KIAA1328: variants seen among roughly 807,000 people sequenced by gnomAD.
KIAA1328 encodes the protein protein hinderin.
KIAA1328 carries 52 observed loss-of-function variants against 68.1 expected under a neutral mutation model. The ratio of observed to expected loss-of-function variants is 0.76; its 90% CI spans 0.61 to 0.96. KIAA1328 has a LOEUF of 0.96. Among genes scored for constraint, KIAA1328 ranks in the 40% least tolerant of loss-of-function variants. The probability of loss-of-function intolerance (pLI) is 0.00; values close to 1 mark genes in which losing one functional copy is unlikely to be tolerated. For missense variants in KIAA1328, 641 were observed against 677.6 expected (o/e 0.95, Z 0.60); for synonymous variants, 232 against 239.4 (o/e 0.97, Z 0.28).
At chr18:36,941,401 C>T (rs1020023124) in intron 5 of KIAA1328, among the ~76,000 whole-genome samples, 22 of 151,982 alleles carry the variant, frequency 1.4e-4, no homozygotes, top group African/African-American at 5.3e-4. Flanking sequence ...TCGAGACTAG[C>T]GTGGCCAACG....
rs753971381 is a variant in KIAA1328, at chr18:37,067,176, A to C, written c.863A>C (p.Glu288Ala). 1 of 1,614,032 alleles carries C rather than the reference A, an allele frequency of 6.2e-7. No homozygotes were observed. Among genetic ancestry groups the C allele is most frequent in the Non-Finnish European group, 8.5e-7 (1 of 1,179,886 alleles). Residue 288 changes from glutamate to alanine, a missense_variant, in exon 7 of 10, where the codon GAA becomes GCA. Coordinates refer to ENST00000280020, the MANE Select transcript of KIAA1328 (RefSeq NM_020776.3). ...PAVPTEKMPQ[E>A]ELHMKECPHL... ...GTCCCAACAGAGAAAATGCCACAAG[A>C]AGAATTGCACATGAAGGAATGTCCA...
At chr18:37,191,794 C>T (rs765007904) in intron 9 of KIAA1328, among the ~76,000 whole-genome samples, 8 of 151,910 alleles carry the variant, frequency 5.3e-5, no homozygotes, top group Non-Finnish European at 1.2e-4. Context: ...CAATCCTGAC[C>T]ATCTATTTAA....
Position 37,224,505 on chromosome 18 carries a change from G to A in KIAA1328, c.*2278G>A. On this transcript the variant is annotated 3_prime_UTR_variant, in exon 10 of 10. Transcript: ENST00000280020. ...TAATGGACATTTTGTTGGTGTTGGT[G>A]CAAGGGCAATAGGATGTAAATTTGT... 1.0e-6 allele frequency: 1 copy of A among 985,190 alleles called. No individual in the cohort carries two copies. Among genetic ancestry groups the A allele is most frequent in the Non-Finnish European group, 1.2e-6 (1 of 829,748 alleles). 61.0% of individuals were successfully genotyped at this position (985,190 alleles called of 1,614,324 possible). A position where few individuals can be genotyped will look rare whatever the true frequency, so the allele number is the denominator to read the frequency against.
chr18:37,097,914 C>T (rs2057463026), intron 7 of KIAA1328, among the ~76,000 whole-genome samples: 1 of 152,128 alleles, frequency 6.6e-6, no homozygotes. Flanking sequence ...GATTTTTGCA[C>T]ATTGATTTTG....
intron 9 of KIAA1328, among the ~76,000 whole-genome samples, chr18:37,214,765 A>C (rs987628366): frequency 6.6e-6 from 1 of 152,054 alleles, no homozygotes; most frequent in African/African-American, 2.4e-5. Context: ...CACAATATTG[A>C]TTCTTCCTAT....
chr18:37,064,122 TA>T (rs1461973972), intron 6 of KIAA1328, among the ~76,000 whole-genome samples: 1 of 152,222 alleles, frequency 6.6e-6, no homozygotes, highest in African/African-American at 2.4e-5. Flanking sequence ...TGAAGTAGCT[TA>T]TTAGAAATTT....
intron 1 of KIAA1328, among the ~76,000 whole-genome samples, chr18:36,830,589 G>C (rs1392426269): frequency 6.6e-6 from 1 of 152,010 alleles, no homozygotes; most frequent in African/African-American, 2.4e-5. Flanking sequence ...TTGGGGGGGG[G>C]ACAAGCTATT....
At chr18:37,204,999 AC>A (rs1428356256) in intron 9 of KIAA1328, among the ~76,000 whole-genome samples, 1 of 152,040 alleles carries the variant, frequency 6.6e-6, no homozygotes, top group Non-Finnish European at 1.5e-5. Context: ...AACCAAAGGC[AC>A]CTTCTCAAGA....
intron 7 of KIAA1328, among the ~76,000 whole-genome samples, chr18:37,149,047 A>G (rs997415287): frequency 1.3e-5 from 2 of 152,184 alleles, no homozygotes; most frequent in Non-Finnish European, 1.5e-5. Flanking sequence ...AACCGCATTG[A>G]CATTCTTCAC....
intron 7 of KIAA1328, among the ~76,000 whole-genome samples, chr18:37,138,948 C>CTTTTTTTTT (rs869053490): frequency 1.2e-4 from 9 of 74,120 alleles, no homozygotes; most frequent in African/African-American, 3.6e-4. Context: ...AAATTTTGTT[C>CTTTTTTTTT]TTTTTTTTTT....
intron 7 of KIAA1328, among the ~76,000 whole-genome samples, chr18:37,101,388 G>A (rs1223652479): frequency 6.6e-5 from 10 of 152,208 alleles, no homozygotes; most frequent in South Asian, 6.2e-4. Flanking sequence ...CTCAGTAGCC[G>A]ATTCGATCAA....
chr18:37,045,513 G>A (rs1224739433), intron 6 of KIAA1328, among the ~76,000 whole-genome samples: 1 of 133,236 alleles, frequency 7.5e-6, no homozygotes, highest in East Asian at 2.1e-4. Flanking sequence ...AAAATTTTTT[G>A]TTCTGCAAGT....
intron 6 of KIAA1328, among the ~76,000 whole-genome samples, chr18:36,997,567 G>A (rs1414352719): frequency 6.6e-6 from 1 of 152,102 alleles, no homozygotes; most frequent in African/African-American, 2.4e-5. Flanking sequence ...GCTTGCACTG[G>A]GTCCCACACC....
intron 7 of KIAA1328, among the ~76,000 whole-genome samples, chr18:37,077,556 G>A (rs1424939030): frequency 6.6e-6 from 1 of 151,982 alleles, no homozygotes; most frequent in African/African-American, 2.4e-5. Flanking sequence ...CCTGTTTGCA[G>A]ATGAAATGAT....
intron 6 of KIAA1328, among the ~76,000 whole-genome samples, chr18:37,012,236 T>G (rs895480460): frequency 6.6e-6 from 1 of 152,130 alleles, no homozygotes; most frequent in African/African-American, 2.4e-5. Flanking sequence ...TTTGCCACTT[T>G]CACAACTGTT....
At chr18:37,082,454 G>A (rs946685757) in intron 7 of KIAA1328, among the ~76,000 whole-genome samples, 1 of 152,164 alleles carries the variant, frequency 6.6e-6, no homozygotes. Flanking sequence ...TTACAGGCGT[G>A]AGCCACCCCG....
chr18:37,080,375 T>C (rs1487719893), intron 7 of KIAA1328, among the ~76,000 whole-genome samples: 2 of 152,204 alleles, frequency 1.3e-5, no homozygotes, highest in Non-Finnish European at 2.9e-5. Context: ...CCTAATGTTT[T>C]ACTTTATTTA....
At chr18:36,861,514 G>A (rs1212056427) in intron 4 of KIAA1328, among the ~76,000 whole-genome samples, 1 of 152,090 alleles carries the variant, frequency 6.6e-6, no homozygotes, top group African/African-American at 2.4e-5. Context: ...CTATTACAGT[G>A]ATGTTCTAAT....
chr18:36,938,500 C>T (rs2050587114), intron 5 of KIAA1328, among the ~76,000 whole-genome samples: 1 of 152,086 alleles, frequency 6.6e-6, no homozygotes, highest in Non-Finnish European at 1.5e-5. Flanking sequence ...GGATATTTGC[C>T]TCTTATCAGA....
Sources: gnomAD v4.1 joint callset for allele counts (sites outside exome capture counted in the v4.1 genomes callset) on GRCh38, gnomAD v4.1.1 for gene constraint, MANE v1.5 for transcripts, NCBI Gene and HGNC (gene_info 2026-07-23, HGNC 2026-07-21) for gene names.